The following FGF14 variants were observed in gnomAD, a reference collection of about 807,000 sequenced individuals.
FGF14 encodes fibroblast growth factor homologous factor 4.
In FGF14, 5 loss-of-function variants were observed where a neutral mutation model predicts 25.5. The ratio of observed to expected loss-of-function variants is 0.20; its 90% confidence interval spans 0.10 to 0.41. FGF14 has a LOEUF of 0.41. FGF14 is among the 10% of genes least tolerant of loss of function. FGF14 has a pLI of 1.00. For missense variants in FGF14, 222 were observed against 320.1 expected, an observed-to-expected ratio of 0.69 and a Z score of 2.34; for synonymous variants, 138 against 118.3, an observed-to-expected ratio of 1.17 and a Z score of -1.08.
At chr13:102,157,437 G>A (rs1444593685) in intron 1 of FGF14, among the ~76,000 whole-genome samples, 3 of 152,128 alleles carry the variant, frequency 2.0e-5, no homozygotes, top group Admixed American at 6.5e-5. Flanking sequence ...AATGGTGCTG[G>A]GAAAACTGGC....
At chr13:101,935,488 C>T (rs1402463939) in intron 1 of FGF14, among the ~76,000 whole-genome samples, 3 of 152,112 alleles carry the variant, frequency 2.0e-5, no homozygotes, top group African/African-American at 4.8e-5. Context: ...ATCATGAGAG[C>T]GGTTTCTCCC....
intron 1 of FGF14, among the ~76,000 whole-genome samples, chr13:102,085,462 T>C (rs17632114): frequency 0.043 from 6,579 of 152,302 alleles, 372 homozygotes; most frequent in East Asian, 0.26. Context: ...CAATTTATTG[T>C]CCCTGTTATA....
At chr13:102,062,123 A>T (rs1282716322) in intron 1 of FGF14, among the ~76,000 whole-genome samples, 1 of 152,248 alleles carries the variant, frequency 6.6e-6, no homozygotes, top group Non-Finnish European at 1.5e-5. Context: ...TATGCAAAAA[A>T]TAAGAATGGA....
intron 1 of FGF14, among the ~76,000 whole-genome samples, chr13:102,165,402 C>T (rs141659138): frequency 0.017 from 2,570 of 152,034 alleles, 43 homozygotes; most frequent in Middle Eastern, 0.034. Context: ...ATAGCAAAGA[C>T]GTGGAACCAA....
intron 1 of FGF14, among the ~76,000 whole-genome samples, chr13:102,084,666 C>T (rs1235334522): frequency 2.0e-5 from 3 of 152,088 alleles, no homozygotes; most frequent in African/African-American, 7.2e-5. Context: ...GTTGTTGAGG[C>T]AATCACAGAA....
At chr13:102,091,767 T>C (rs1875234816) in intron 1 of FGF14, among the ~76,000 whole-genome samples, 1 of 152,162 alleles carries the variant, frequency 6.6e-6, no homozygotes, top group African/African-American at 2.4e-5. Context: ...TTCCTGAAGT[T>C]GCTACTTCCA....
At chr13:102,113,412 G>T (rs1489710412) in intron 1 of FGF14, among the ~76,000 whole-genome samples, 3 of 152,132 alleles carry the variant, frequency 2.0e-5, no homozygotes, top group Admixed American at 6.5e-5. Context: ...AATCCCAGAA[G>T]GTGGCATAGC....
At chr13:102,275,273 T>TCTCTCTCTCTCTCTCTCTCC in intron 1 of FGF14, among the ~76,000 whole-genome samples, 1 of 146,132 alleles carries the variant, frequency 6.8e-6, no homozygotes, top group Non-Finnish European at 1.5e-5. Flanking sequence ...TCTCTCTCTC[T>TCTCTCTCTCTCTCTCTCTCC]CTCTCTCTCT....
chr13:101,737,415 A>G (rs1034077943), intron 3 of FGF14, among the ~76,000 whole-genome samples: 2 of 117,234 alleles, frequency 1.7e-5, no homozygotes, highest in Non-Finnish European at 3.5e-5. Flanking sequence ...GTTAGCCAGA[A>G]CAAGAATAGA....
At chr13:101,846,913 T>C (rs1175029232) in intron 3 of FGF14, among the ~76,000 whole-genome samples, 1 of 152,060 alleles carries the variant, frequency 6.6e-6, no homozygotes, top group Non-Finnish European at 1.5e-5. Context: ...AGTCAATTAA[T>C]TGGGAGAAGA....
At chr13:101,985,552 A>G (rs984396153) in intron 1 of FGF14, among the ~76,000 whole-genome samples, 3 of 152,074 alleles carry the variant, frequency 2.0e-5, no homozygotes, top group African/African-American at 4.8e-5. Context: ...TTCCTCATGC[A>G]TTAGTACTGT....
At chr13:102,015,853 G>A (rs2040312673) in intron 1 of FGF14, among the ~76,000 whole-genome samples, 1 of 152,122 alleles carries the variant, frequency 6.6e-6, no homozygotes, top group African/African-American at 2.4e-5. Flanking sequence ...TATAGTCTTA[G>A]TTAAACTTAT....
intron 1 of FGF14, among the ~76,000 whole-genome samples, chr13:102,117,317 C>CGTCCTGACTTGCTCCT (rs952546763): frequency 6.6e-6 from 1 of 151,830 alleles, no homozygotes; most frequent in Admixed American, 6.5e-5. Context: ...AGTCTGCTCC[C>CGTCCTGACTTGCTCCT]GTCCTGACTT....
chr13:102,115,446 CATTTT>C (rs1270117224), intron 1 of FGF14, among the ~76,000 whole-genome samples: 10 of 152,244 alleles, frequency 6.6e-5, no homozygotes, highest in African/African-American at 2.4e-4. Context: ...ATCTCATTGT[CATTTT>C]AATTTGTATT....
chr13:102,366,022 G>C (rs2057701416), intron 1 of FGF14, among the ~76,000 whole-genome samples: 1 of 152,138 alleles, frequency 6.6e-6, no homozygotes, highest in African/African-American at 2.4e-5. Context: ...GCATATATAG[G>C]AAGTGTTTGT....
intron 1 of FGF14, among the ~76,000 whole-genome samples, chr13:102,076,206 T>A (rs1256921558): frequency 6.6e-6 from 1 of 152,136 alleles, no homozygotes; most frequent in Non-Finnish European, 1.5e-5. Context: ...CAGAACAACT[T>A]CCAGTCTTGC....
intron 1 of FGF14, 118 bp from the exon 2 acceptor site, chr13:101,875,414 T>C: frequency 1.4e-6 from 1 of 736,476 alleles, no homozygotes; most frequent in Non-Finnish European, 2.4e-6. Context: ...GCATATTTTA[T>C]TTTGTCTCTC....
At chr13:102,161,670 GAA>G (rs1312578644) in intron 1 of FGF14, among the ~76,000 whole-genome samples, 7 of 51,758 alleles carry the variant, frequency 1.4e-4, no homozygotes, top group Non-Finnish European at 3.0e-4. Context: ...AGAAGAAGAA[GAA>G]GAAGAAGAAG....
At position 101,714,351 on chromosome 13, in the gene FGF14, C is replaced by T; in HGVS notation, c.*8480G>A. The stretch of plus-strand genomic sequence containing the variant: ...CTTTGGATGATGGGTTATTAGAAGC[C>T]TGTTGTCAGTGTGTCAACGATATTC... On this transcript the variant is annotated 3_prime_UTR_variant, in exon 5 of 5. Transcript: ENST00000376143. The T allele has an allele frequency of 7.5e-6, 6 of 805,254 alleles. No individual in the cohort carries two copies. The highest frequency in any genetic ancestry group is 1.1e-5 in the Non-Finnish European group (5 of 453,618). The allele number at this position is 805,254 out of a possible 1,614,324, so 49.9% of individuals were successfully genotyped here.
Sources: allele counts gnomAD v4.1 joint callset (sites outside exome capture counted in the v4.1 genomes callset), GRCh38; gene constraint gnomAD v4.1.1; transcripts MANE v1.5; gene names NCBI Gene and HGNC (gene_info 2026-07-23, HGNC 2026-07-21).